Variants in PHF21A observed in about 807,000 individuals in gnomAD.
PHF21A encodes BHC80a.
Under a neutral mutation model 82.5 loss-of-function variants are expected in PHF21A, and 11 were observed. The observed-to-expected ratio is 0.13, with a 90% confidence interval of 0.08 to 0.22. PHF21A has a LOEUF of 0.22. PHF21A is among the 10% of genes least tolerant of loss of function. The pLI is 1.00. For missense variants in PHF21A, 579 were observed against 837.8 expected, an observed-to-expected ratio of 0.69 and a Z score of 3.81; for synonymous variants, 297 against 302.8, an observed-to-expected ratio of 0.98 and a Z score of 0.20.
chr11:45,988,525 T>A (rs1201142094), intron 6 of PHF21A, among the ~76,000 whole-genome samples: 1 of 152,200 alleles, frequency 6.6e-6, no homozygotes, highest in East Asian at 1.9e-4. Flanking sequence ...TATCACACTC[T>A]TGATGCTTAA....
intron 6 of PHF21A, among the ~76,000 whole-genome samples, chr11:46,070,586 C>T (rs551302293): frequency 6.6e-6 from 1 of 152,294 alleles, no homozygotes; most frequent in East Asian, 1.9e-4. Context: ...CTACCTTGGC[C>T]TACCAAAATG....
chr11:45,943,442 A>C (rs7108028), intron 15 of PHF21A, among the ~76,000 whole-genome samples: 75,918 of 151,922 alleles, frequency 0.5, 22,292 homozygotes, highest in Non-Finnish European at 0.66. Flanking sequence ...AGCCTCCCAA[A>C]GTGTTGGGAT....
intron 3 of PHF21A, among the ~76,000 whole-genome samples, chr11:46,088,554 A>C (rs2096883731): frequency 6.6e-6 from 1 of 152,206 alleles, no homozygotes; most frequent in African/African-American, 2.4e-5. Context: ...AAAAAATGCT[A>C]ATTCTACTTA....
At chr11:46,112,358 T>C (rs1400305798) in intron 1 of PHF21A, among the ~76,000 whole-genome samples, 1 of 152,200 alleles carries the variant, frequency 6.6e-6, no homozygotes, top group Non-Finnish European at 1.5e-5. Context: ...CAGTAACTAC[T>C]ACTACTGCTG....
chr11:45,989,004 G>A (rs1565424454), intron 6 of PHF21A, among the ~76,000 whole-genome samples: 1 of 151,998 alleles, frequency 6.6e-6, no homozygotes, highest in Non-Finnish European at 1.5e-5. Context: ...ATCACTTAAA[G>A]AAAAAAATGA....
intron 15 of PHF21A, among the ~76,000 whole-genome samples, chr11:45,945,509 CTGA>C (rs948433677): frequency 7.9e-5 from 12 of 152,200 alleles, no homozygotes; most frequent in African/African-American, 2.9e-4. Flanking sequence ...TCCCAAAACA[CTGA>C]TGATAGAAAC....
intron 6 of PHF21A, among the ~76,000 whole-genome samples, chr11:46,032,012 G>A (rs966961294): frequency 5.3e-5 from 8 of 152,144 alleles, no homozygotes; most frequent in African/African-American, 1.9e-4. Flanking sequence ...TTTATTAGCT[G>A]ATAATTTAAA....
At chr11:46,020,456 T>C (rs542535545) in intron 6 of PHF21A, among the ~76,000 whole-genome samples, 157 of 152,288 alleles carry the variant, frequency 1.0e-3, no homozygotes, top group African/African-American at 3.7e-3. Flanking sequence ...ACGCAGCGGA[T>C]GGAAGTGCTT....
chr11:46,043,381 A>G (rs2096191460), intron 6 of PHF21A, among the ~76,000 whole-genome samples: 1 of 152,154 alleles, frequency 6.6e-6, no homozygotes, highest in Non-Finnish European at 1.5e-5. Context: ...CCACATCATC[A>G]CCTTTATCAA....
chr11:46,039,462 T>A (rs1484233821), intron 6 of PHF21A, among the ~76,000 whole-genome samples: 2 of 152,214 alleles, frequency 1.3e-5, no homozygotes, highest in African/African-American at 4.8e-5. Flanking sequence ...AATAGTCAGG[T>A]AAGTACAGGG....
rs1323332254 is a variant in PHF21A at position 46,039,930 on chromosome 11, T to C, written c.153+36824A>G. On this transcript the variant is annotated intron_variant, in intron 6 of 18. Coordinates refer to ENST00000676320, the MANE Select transcript of PHF21A (RefSeq NM_001352027.3). Reference sequence around the variant, plus strand: ...CTTCCCAAGACTTCCAAGTAATACATCTATTTTTAAAAACCCTCAAATGAG... The same window carrying C: ...CTTCCCAAGACTTCCAAGTAATACACCTATTTTTAAAAACCCTCAAATGAG... 6.6e-5 allele frequency among the ~76,000 whole-genome samples: 10 copies of C among 152,328 alleles called. 1 individual carries two copies. The highest frequency in any genetic ancestry group is 4.1e-4 in the South Asian group (2 of 4,830).
chr11:46,000,105 G>T (rs16938429), intron 6 of PHF21A, among the ~76,000 whole-genome samples: 19,435 of 152,104 alleles, frequency 0.13, 1,569 homozygotes, highest in African/African-American at 0.24. Flanking sequence ...TGCTTGATAG[G>T]TGTAAGCAAA....
chr11:46,019,175 CT>C (rs1438244600), intron 6 of PHF21A, among the ~76,000 whole-genome samples: 1 of 151,500 alleles, frequency 6.6e-6, no homozygotes, highest in Non-Finnish European at 1.5e-5. Context: ...TGGTTTTTCG[CT>C]TTATCTTCTC....
intron 6 of PHF21A, chr11:46,026,730 T>C (rs1273855167): frequency 6.6e-6 from 1 of 152,158 alleles, no homozygotes; most frequent in Non-Finnish European, 1.5e-5. Context: ...TGAGACACGT[T>C]GGCTTGGCAA....
At chr11:46,099,827 T>C (rs1282811789) in intron 1 of PHF21A, among the ~76,000 whole-genome samples, 1 of 152,170 alleles carries the variant, frequency 6.6e-6, no homozygotes, top group African/African-American at 2.4e-5. Context: ...GAAAGAAAAT[T>C]AGAATCTCTT....
chr11:46,044,309 AAAAG>A (rs2096217691), intron 6 of PHF21A, among the ~76,000 whole-genome samples: 1 of 152,114 alleles, frequency 6.6e-6, no homozygotes, highest in Non-Finnish European at 1.5e-5. Flanking sequence ...GCAGGAAAAA[AAAAG>A]AAAATTCATG....
intron 1 of PHF21A, among the ~76,000 whole-genome samples, chr11:46,099,559 CA>C (rs1565987953): frequency 2.6e-5 from 4 of 151,422 alleles, no homozygotes; most frequent in African/African-American, 9.7e-5. Flanking sequence ...CACACACACA[CA>C]CACCCTAAAC....
chr11:45,971,409 A>G (rs111445192), intron 7 of PHF21A, 42 bp from the exon 8 acceptor site: 2 of 1,549,330 alleles, frequency 1.3e-6, no homozygotes, highest in African/African-American at 1.4e-5. Flanking sequence ...CTAAATCTAA[A>G]CTAAATAATA....
rs149089014 is a variant in PHF21A at position 46,037,598 on chromosome 11, G to A, written c.153+39156C>T. ...GCCTCTGTTGCGGTGAGCCGAGATC[G>A]TGCCAGCGCACTCCAGCCTGGACAA... On this transcript the variant is annotated intron_variant, in intron 6 of 18. Transcript: ENST00000676320. Among the ~76,000 whole-genome samples, 335 of 148,652 alleles carry A rather than the reference G, an allele frequency of 2.3e-3. 1 individual carries two copies. The highest frequency in any genetic ancestry group is 7.6e-3 in the African/African-American group (304 of 40,026).
Sources: allele counts gnomAD v4.1 joint callset (sites outside exome capture counted in the v4.1 genomes callset), GRCh38; gene constraint gnomAD v4.1.1; transcripts MANE v1.5; gene names NCBI Gene and HGNC (gene_info 2026-07-23, HGNC 2026-07-21).